Variants in TSBP1 observed in about 807,000 individuals in gnomAD.
The protein encoded by TSBP1 is testis-expressed basic protein 1.
Under a neutral mutation model 68.8 loss-of-function variants are expected in TSBP1, and 56 were observed. That is an observed-to-expected ratio of 0.81 (90% confidence interval 0.66 to 1.02). The LOEUF is 1.02. Ranked by LOEUF, TSBP1 falls within the 50% of genes least tolerant of loss-of-function variation. The probability of loss-of-function intolerance (pLI) is 0.00; values close to 1 mark genes in which losing one functional copy is unlikely to be tolerated. For synonymous variants in TSBP1, 171 were observed against 208.7 expected (o/e 0.82, Z 1.56); for missense variants, 502 against 641.2 (o/e 0.78, Z 2.34).
At chr6:32,352,825 G>A (rs1771869449) in intron 8 of TSBP1, 1 of 151,914 alleles carries the variant, frequency 6.6e-6, no homozygotes. Context: ...ATGAGGATAT[G>A]AGTTTCAGCA....
intron 22 of TSBP1, among the ~76,000 whole-genome samples, chr6:32,296,005 C>T (rs141404914): frequency 0.015 from 2,253 of 152,142 alleles, 39 homozygotes; most frequent in Admixed American, 0.031. Flanking sequence ...CCACCACACC[C>T]GGCTAATTTT....
intron 19 of TSBP1, among the ~76,000 whole-genome samples, chr6:32,309,881 C>T (rs776557941): frequency 1.3e-4 from 20 of 152,146 alleles, no homozygotes; most frequent in Admixed American, 5.9e-4. Context: ...ATTAACCATT[C>T]CCAATTTTTC....
intron 22 of TSBP1, among the ~76,000 whole-genome samples, chr6:32,295,842 CTTTT>C (rs535371646): frequency 5.6e-5 from 7 of 125,310 alleles, no homozygotes; most frequent in Non-Finnish European, 5.0e-5. Flanking sequence ...AGGAAAATTT[CTTTT>C]TTTTTTTTTT....
At position 32,345,736 on chromosome 6, in the gene TSBP1, G is replaced by A. The variant is rs545092411; in HGVS notation, c.349+4004C>T. On this transcript the variant is annotated intron_variant, in intron 9 of 22. Coordinates refer to ENST00000612031, the Ensembl canonical transcript of TSBP1. ...TAGTCTCCTCTATCTTGGGCACTAC[G>A]CTAGTTCAAGATTTTCAAGGAAATA... Among the ~76,000 whole-genome samples, 7 of 152,162 alleles carry A rather than the reference G, an allele frequency of 4.6e-5. No homozygotes were observed. The South Asian group carries it at 1.2e-3, about 27-fold the overall frequency.
Position 32,304,274 on chromosome 6 carries a change from G to A in TSBP1, c.581-1645C>T, listed in dbSNP as rs1765571438. ...AAGTGTCAGTGCAAATAAAGGAATC[G>A]AGATGCTACAAAAGACCAGAGGAAA... is the stretch of plus-strand genomic sequence containing the variant. On this transcript the variant is annotated intron_variant, in intron 19 of 22. Transcript: ENST00000612031. The surrounding 1 kb of genome is among the most constrained non-coding windows in gnomAD (Gnocchi z 4.8). Among the ~76,000 whole-genome samples the A allele has an allele frequency of 6.6e-6, 1 of 152,140 alleles. No individual in the cohort carries two copies. Among genetic ancestry groups the A allele is most frequent in the African/African-American group, 2.4e-5 (1 of 41,434 alleles).
intron 19 of TSBP1, among the ~76,000 whole-genome samples, chr6:32,312,947 T>A (rs1021478127): frequency 1.7e-4 from 26 of 152,140 alleles, no homozygotes; most frequent in Non-Finnish European, 3.1e-4. Context: ...AATAGAGTGA[T>A]CTTTTAAAAT....
chr6:32,328,618 T>C (rs1768557859), intron 16 of TSBP1, among the ~76,000 whole-genome samples: 1 of 151,908 alleles, frequency 6.6e-6, no homozygotes, highest in South Asian at 2.1e-4. Flanking sequence ...AGTTTCACCA[T>C]GTTGGCCAGG....
intron 14 of TSBP1, 54 bp from the exon 16 acceptor site, chr6:32,332,108 T>G: frequency 1.5e-6 from 2 of 1,343,950 alleles, no homozygotes; most frequent in Non-Finnish European, 2.1e-6. Flanking sequence ...GAGTGTATTT[T>G]TCACTAATTT....
In TSBP1 at chr6:32,295,351, A is replaced by ACACACACACACACAC. The variant is rs773829841; in HGVS notation, c.638-1317_638-1316insGTGTGTGTGTGTGTG. Reference sequence around the variant, plus strand: ...ACTCCATCTCACACACACACACACAAAAAAAAAAAAAAAAAAAAAGAAGAC... The same window carrying ACACACACACACACAC: ...ACTCCATCTCACACACACACACACAACACACACACACACACAAAAAAAAAAAAAAAAAAAGAAGAC... On this transcript the variant is annotated intron_variant, in intron 22 of 22. Transcript: ENST00000612031. 2.2e-3 allele frequency among the ~76,000 whole-genome samples: 201 copies of ACACACACACACACAC among 92,166 alleles called. 2 individuals are homozygous for ACACACACACACACAC. The highest frequency in any genetic ancestry group is 0.013 in the Admixed American group (143 of 10,796). The allele number at this position is 92,166 out of a possible 152,430, so 60.5% of individuals were successfully genotyped here.
chr6:32,343,208 C>A lies in TSBP1; in HGVS notation c.350-3570G>T. 1.5e-6 allele frequency: 2 copies of A among 1,339,388 alleles called. No individual in the cohort carries two copies. The highest frequency in any genetic ancestry group is 9.7e-7 in the Non-Finnish European group (1 of 1,027,726). The allele number at this position is 1,339,388 out of a possible 1,614,324, so 83.0% of individuals were successfully genotyped here. The stretch of plus-strand genomic sequence containing the variant: ...TGCCTAGCATAGGAGCCCAACAACA[C>A]CAGAGTTTGAAACAAGAAGATAAAC... On this transcript the variant is annotated intron_variant, in intron 9 of 22. Transcript: ENST00000612031. The surrounding 1 kb of genome is among the most constrained non-coding windows in gnomAD (Gnocchi z 4.3).
Position 32,302,812 on chromosome 6 carries a change from C to T in TSBP1, c.581-183G>A, listed in dbSNP as rs1765437905. Reference sequence around the variant, plus strand: ...TGTTATAAGAACCTGACAGTTTTTACCACCTTTATGTGGTCCAACTTATTG... The same window carrying T: ...TGTTATAAGAACCTGACAGTTTTTATCACCTTTATGTGGTCCAACTTATTG... On this transcript the variant is annotated intron_variant, in intron 19 of 22. Transcript: ENST00000612031. The surrounding 1 kb of genome is among the most constrained non-coding windows in gnomAD (Gnocchi z 5.1). Among the ~76,000 whole-genome samples the T allele has an allele frequency of 6.6e-6, 1 of 152,180 alleles. No homozygotes were observed.
At chr6:32,350,198 T>C in intron 8 of TSBP1, 1 of 466,230 alleles carries the variant, frequency 2.1e-6, no homozygotes, top group Non-Finnish European at 4.3e-6. Flanking sequence ...ACCAAACAAT[T>C]ACCACCTAAC....
At position 32,293,287 on chromosome 6, in the gene TSBP1, C is replaced by A. The variant is rs140326264; in HGVS notation, c.1386G>T (p.Glu462Asp). 2.3e-5 allele frequency: 37 copies of A among 1,612,394 alleles called. No homozygotes were observed. The African/African-American group carries it at 4.8e-4, about 21-fold the overall frequency. Residue 462 changes from glutamate to aspartate, a missense_variant, in exon 23 of 23, where the codon GAG becomes GAT. Transcript: ENST00000612031. ...ATTCCAGTGTTTCTGGTACACTCAC[C>A]TCAGTGTTCTTTACTTGGGATTCTG...
At chr6:32,294,266 T>G (rs751105822) in intron 22 of TSBP1, 15 of 609,932 alleles carry the variant, frequency 2.5e-5, no homozygotes, top group Non-Finnish European at 4.3e-5. Flanking sequence ...AAAGGTAAAA[T>G]GTACTGTAAA....
At chr6:32,339,421 T>G in intron 10 of TSBP1, 179 bp downstream of exon 11, 1 of 707,682 alleles carries the variant, frequency 1.4e-6, no homozygotes, top group Non-Finnish European at 2.7e-6. Context: ...TCTCCTTTCC[T>G]CCATCTTTAT....
At chr6:32,363,635 C>G (rs1210349944) in intron 6 of TSBP1, among the ~76,000 whole-genome samples, 1 of 151,536 alleles carries the variant, frequency 6.6e-6, no homozygotes, top group Non-Finnish European at 1.5e-5. Context: ...CATACAAAAA[C>G]TCTACATATT....
chr6:32,368,702 A>C, intron 3 of TSBP1, 80 bp downstream of exon 3: 1 of 1,430,322 alleles, frequency 7.0e-7, no homozygotes, highest in Non-Finnish European at 9.6e-7. Flanking sequence ...ACACAACTGT[A>C]AACAAGACAG....
At chr6:32,317,758 C>A (rs574272700) in intron 18 of TSBP1, among the ~76,000 whole-genome samples, 1 of 152,174 alleles carries the variant, frequency 6.6e-6, no homozygotes, top group Non-Finnish European at 1.5e-5. Flanking sequence ...CAATGAGATA[C>A]CATCTCACAC....
At position 32,369,373 on chromosome 6, in the gene TSBP1, A is replaced by ATTTTTTTTTTTT. The variant is rs9281761; in HGVS notation, c.100+512_100+523dup. On this transcript the variant is annotated intron_variant, in intron 2 of 22. Coordinates refer to ENST00000612031, the Ensembl canonical transcript of TSBP1. ...CTTATTACTTTTGCTAAACTCTGTGATTTTTTTTTTTTTTTGAGATGGAGT... is the reference window on the plus strand; with the variant it reads ...CTTATTACTTTTGCTAAACTCTGTGATTTTTTTTTTTTTTTTTTTTTTTTTTTGAGATGGAGT... Among the ~76,000 whole-genome samples the ATTTTTTTTTTTT allele has an allele frequency of 1.7e-4, 22 of 127,020 alleles. 1 individual carries two copies. Among genetic ancestry groups the ATTTTTTTTTTTT allele is most frequent in the Admixed American group, 2.5e-4 (3 of 11,996 alleles). The allele number at this position is 127,020 out of a possible 152,430, so 83.3% of individuals were successfully genotyped here. A position where few individuals can be genotyped will look rare whatever the true frequency, so the allele number is the denominator to read the frequency against.
Sources: allele counts gnomAD v4.1 joint callset (sites outside exome capture counted in the v4.1 genomes callset), GRCh38; gene constraint gnomAD v4.1.1; non-coding constraint Gnocchi (gnomAD v3.1); transcripts MANE v1.5; gene names NCBI Gene and HGNC (gene_info 2026-07-23, HGNC 2026-07-21).